Variants in CELF5 observed in about 807,000 individuals in gnomAD.
The protein encoded by CELF5 is CUGBP Elav-like family member 5.
A neutral mutation model predicts 54.9 loss-of-function variants in CELF5; 6 were observed. The ratio of observed to expected loss-of-function variants is 0.11; its 90% CI spans 0.06 to 0.22. The LOEUF is 0.22. Among genes scored for constraint, CELF5 ranks in the 10% least tolerant of loss-of-function variants. The pLI is 1.00. For synonymous variants in CELF5, 271 were observed against 290.9 expected (o/e 0.93, Z 0.70); for missense variants, 401 against 678.6 (o/e 0.59, Z 4.54).
intron 2 of CELF5, among the ~76,000 whole-genome samples, chr19:3,269,856 T>C (rs1247929873): frequency 6.6e-6 from 1 of 151,964 alleles, no homozygotes; most frequent in Non-Finnish European, 1.5e-5. Flanking sequence ...TCAAACTCCT[T>C]GGGTTCAAAC....
intron 1 of CELF5, among the ~76,000 whole-genome samples, chr19:3,232,318 G>A (rs1405433568): frequency 6.6e-6 from 1 of 152,212 alleles, no homozygotes; most frequent in Non-Finnish European, 1.5e-5. Context: ...GCTTTGGGAG[G>A]TTGAGGTGGG....
chr19:3,256,064 C>CAGA (rs372488135), intron 2 of CELF5, among the ~76,000 whole-genome samples: 13 of 139,590 alleles, frequency 9.3e-5, no homozygotes, highest in East Asian at 4.9e-4. Flanking sequence ...GACCCTGTCT[C>CAGA]AAAAAAAAAG....
intron 9 of CELF5, 127 bp downstream of exon 9, chr19:3,285,091 C>A: frequency 1.4e-6 from 1 of 708,566 alleles, no homozygotes; most frequent in South Asian, 1.7e-5. Flanking sequence ...CTGGCCCCGC[C>A]CCTCAGGGCC....
At chr19:3,276,029 A>G in intron 4 of CELF5, 45 bp downstream of exon 4, 3 of 461,162 alleles carry the variant, frequency 6.5e-6, no homozygotes, top group Non-Finnish European at 9.2e-6. Context: ...GGGCCGGGCT[A>G]GCTCTGGGGG....
At chr19:3,267,808 G>GA (rs2079903987) in intron 2 of CELF5, among the ~76,000 whole-genome samples, 1 of 139,212 alleles carries the variant, frequency 7.2e-6, no homozygotes, top group African/African-American at 2.6e-5. Context: ...TCTGTGCAGG[G>GA]TCACAGAGGT....
intron 2 of CELF5, among the ~76,000 whole-genome samples, chr19:3,260,204 C>T (rs528891683): frequency 7.9e-5 from 12 of 152,184 alleles, no homozygotes; most frequent in South Asian, 2.1e-4. Flanking sequence ...GCAACCTCCA[C>T]GTCCCGGGTT....
Position 3,284,805 on chromosome 19 carries a change from G to T in CELF5, c.1040-97G>T, listed in dbSNP as rs189748650. On this transcript the variant is annotated intron_variant, in intron 8 of 12. Transcript: ENST00000292672. ...GTTTAGCACAGAGGAGAAGCTGGGC[G>T]GGGTGTTTGTTGCTGTCCTTGCGGC... The T allele has an allele frequency of 9.8e-6, 10 of 1,021,500 alleles. No individual in the cohort carries two copies. In the East Asian group the frequency reaches 2.4e-4, roughly 25 times the overall value. The allele number at this position is 1,021,500 out of a possible 1,614,324, so 63.3% of individuals were successfully genotyped here. A position where few individuals can be genotyped will look rare whatever the true frequency, so the allele number is the denominator to read the frequency against.
intron 2 of CELF5, among the ~76,000 whole-genome samples, chr19:3,263,012 G>A (rs1412861842): frequency 6.6e-6 from 1 of 151,920 alleles, no homozygotes; most frequent in Non-Finnish European, 1.5e-5. Context: ...TTGGGAGACC[G>A]AGGTGGGCAG....
intron 9 of CELF5, 50 bp downstream of exon 9, chr19:3,285,014 T>G: frequency 1.4e-6 from 2 of 1,438,074 alleles, no homozygotes; most frequent in Non-Finnish European, 1.9e-6. Flanking sequence ...CGCCCCCGCC[T>G]AGGGCCCCGC....
intron 5 of CELF5, among the ~76,000 whole-genome samples, chr19:3,280,310 G>T (rs1256283226): frequency 6.6e-6 from 1 of 152,066 alleles, no homozygotes; most frequent in Non-Finnish European, 1.5e-5. Flanking sequence ...GGGCGTGGTG[G>T]CTGTAATCCC....
intron 1 of CELF5, among the ~76,000 whole-genome samples, chr19:3,244,407 T>TG (rs1185375169): frequency 4.9e-5 from 7 of 144,304 alleles, no homozygotes; most frequent in Non-Finnish European, 1.1e-4. Flanking sequence ...GTGCATGCAT[T>TG]GTGTGTATGT....
At chr19:3,266,342 C>T (rs1211592191) in intron 2 of CELF5, among the ~76,000 whole-genome samples, 1 of 151,788 alleles carries the variant, frequency 6.6e-6, no homozygotes, top group Non-Finnish European at 1.5e-5. Flanking sequence ...AGCCCCGCCT[C>T]CTGAGTCGAG....
chr19:3,242,328 G>C (rs558280723), intron 1 of CELF5, among the ~76,000 whole-genome samples: 1 of 151,968 alleles, frequency 6.6e-6, no homozygotes, highest in African/African-American at 2.4e-5. Flanking sequence ...GAGGTCAGGA[G>C]TTCAAGACTA....
chr19:3,262,949 TA>T (rs2079825855), intron 2 of CELF5, among the ~76,000 whole-genome samples: 1 of 144,784 alleles, frequency 6.9e-6, no homozygotes, highest in Non-Finnish European at 1.5e-5. Context: ...AAAAAATTTT[TA>T]AAAATTAAAA....
At chr19:3,237,933 C>T (rs1490159769) in intron 1 of CELF5, among the ~76,000 whole-genome samples, 1 of 152,078 alleles carries the variant, frequency 6.6e-6, no homozygotes, top group African/African-American at 2.4e-5. Context: ...CCTATAGTCC[C>T]AGCTACTCGG....
chr19:3,234,811 T>C (rs1331019761), intron 1 of CELF5, among the ~76,000 whole-genome samples: 1 of 152,126 alleles, frequency 6.6e-6, no homozygotes, highest in Non-Finnish European at 1.5e-5. Flanking sequence ...CTCTCTCCTC[T>C]GCCTTCACCT....
chr19:3,257,727 C>T (rs1404319311), intron 2 of CELF5, among the ~76,000 whole-genome samples: 3 of 151,834 alleles, frequency 2.0e-5, no homozygotes, highest in Admixed American at 6.6e-5. Context: ...CCGCCTGCCT[C>T]GGACTCCCAA....
At chr19:3,266,910 C>T (rs923677730) in intron 2 of CELF5, among the ~76,000 whole-genome samples, 6 of 152,194 alleles carry the variant, frequency 3.9e-5, no homozygotes, top group East Asian at 3.9e-4. Context: ...GCACGAGGTT[C>T]GCCCTGTGCT....
At chr19:3,244,082 C>T (rs912015556) in intron 1 of CELF5, among the ~76,000 whole-genome samples, 8 of 152,120 alleles carry the variant, frequency 5.3e-5, no homozygotes, top group Admixed American at 1.3e-4. Context: ...AATCAAAGCT[C>T]TATTTATCCA....
Sources: allele counts gnomAD v4.1 joint callset (sites outside exome capture counted in the v4.1 genomes callset), GRCh38; gene constraint gnomAD v4.1.1; transcripts MANE v1.5; gene names NCBI Gene and HGNC (gene_info 2026-07-23, HGNC 2026-07-21).